Variants in NREP observed in about 807,000 individuals in gnomAD.
NREP encodes neuronal regeneration-related protein.
Under a neutral mutation model 8.6 loss-of-function variants are expected in NREP, and 5 were observed. The observed-to-expected ratio is 0.58, with a 90% CI of 0.30 to 1.22. NREP has a LOEUF of 1.22. Ranked by LOEUF, NREP falls within the 50% of genes most tolerant of loss-of-function variation. The probability of loss-of-function intolerance (pLI) is 0.07; values close to 1 mark genes in which losing one functional copy is unlikely to be tolerated. For synonymous variants in NREP, 27 were observed against 28.0 expected, an observed-to-expected ratio of 0.96 and a Z score of 0.11; for missense variants, 86 against 82.5, an observed-to-expected ratio of 1.04 and a Z score of -0.17.
intron 2 of NREP, among the ~76,000 whole-genome samples, chr5:111,783,410 T>C (rs1751538679): frequency 6.6e-6 from 1 of 152,228 alleles, no homozygotes; most frequent in Non-Finnish European, 1.5e-5. Flanking sequence ...GGCTCAAGTA[T>C]TCAATTCAAA....
chr5:111,880,027 G>C (rs1404900555), intron 2 of NREP, among the ~76,000 whole-genome samples: 1 of 152,286 alleles, frequency 6.6e-6, no homozygotes, highest in Non-Finnish European at 1.5e-5. Flanking sequence ...AACAGTGCTT[G>C]AAATTAATAT....
intron 2 of NREP, among the ~76,000 whole-genome samples, chr5:111,920,224 A>G (rs1403021005): frequency 6.6e-6 from 1 of 152,030 alleles, no homozygotes. Flanking sequence ...ACAACTTTGG[A>G]CCATCAGGAA....
intron 2 of NREP, among the ~76,000 whole-genome samples, chr5:111,834,272 A>G (rs1196303536): frequency 6.6e-6 from 1 of 152,346 alleles, no homozygotes; most frequent in South Asian, 2.1e-4. Flanking sequence ...AAAATTTCAC[A>G]TACTTCACAG....
intron 2 of NREP, among the ~76,000 whole-genome samples, chr5:111,934,145 T>G (rs190400991): frequency 1.3e-5 from 2 of 152,180 alleles, no homozygotes; most frequent in Admixed American, 6.5e-5. Flanking sequence ...TACCAGATGG[T>G]TGAGCTGCCA....
intron 2 of NREP, among the ~76,000 whole-genome samples, chr5:111,873,109 G>A (rs1009521378): frequency 1.1e-4 from 17 of 152,160 alleles, no homozygotes; most frequent in African/African-American, 4.1e-4. Flanking sequence ...TTGCTGTTGT[G>A]AAAATTAAAT....
intron 2 of NREP, among the ~76,000 whole-genome samples, chr5:111,890,826 C>T (rs1379480922): frequency 6.6e-6 from 1 of 152,190 alleles, no homozygotes; most frequent in Non-Finnish European, 1.5e-5. Context: ...ACCATTCTTC[C>T]CTGCTAGGCC....
intron 2 of NREP, among the ~76,000 whole-genome samples, chr5:111,804,787 G>A (rs1375011656): frequency 2.6e-5 from 4 of 152,054 alleles, no homozygotes; most frequent in African/African-American, 9.7e-5. Context: ...GGATCACGAG[G>A]TCAGGAGATA....
intron 2 of NREP, among the ~76,000 whole-genome samples, chr5:111,918,819 A>G (rs894315839): frequency 7.2e-5 from 11 of 152,236 alleles, no homozygotes; most frequent in African/African-American, 2.4e-4. Flanking sequence ...TTCGTGACTA[A>G]AACACCAAAA....
chr5:111,881,992 C>T (rs1381895662), intron 2 of NREP, among the ~76,000 whole-genome samples: 14 of 152,128 alleles, frequency 9.2e-5, no homozygotes, highest in African/African-American at 2.2e-4. Context: ...ATGACTTTGA[C>T]GAGTTGAGAG....
chr5:111,761,498 G>A (rs991477944), upstream of NREP, among the ~76,000 whole-genome samples: 1 of 152,154 alleles, frequency 6.6e-6, no homozygotes, highest in Non-Finnish European at 1.5e-5. Flanking sequence ...CATTTAGAAA[G>A]GAGTCTTTGT....
intron 2 of NREP, among the ~76,000 whole-genome samples, chr5:111,787,496 G>C (rs1024327062): frequency 5.9e-5 from 9 of 151,906 alleles, no homozygotes; most frequent in African/African-American, 1.9e-4. Flanking sequence ...ACTGGAGAAA[G>C]TTCAGTTATA....
chr5:111,957,496 A>G (rs927030348), intron 2 of NREP, among the ~76,000 whole-genome samples: 1 of 152,014 alleles, frequency 6.6e-6, no homozygotes, highest in Admixed American at 6.6e-5. Flanking sequence ...ATGAACTAGA[A>G]GGCATAGATA....
chr5:111,907,480 T>C (rs1308054777), intron 2 of NREP, among the ~76,000 whole-genome samples: 1 of 152,066 alleles, frequency 6.6e-6, no homozygotes, highest in African/African-American at 2.4e-5. Flanking sequence ...TTGCCAAAGA[T>C]CAATTTGCTC....
intron 2 of NREP, among the ~76,000 whole-genome samples, chr5:111,751,142 G>A (rs569391382): frequency 1.6e-4 from 25 of 152,258 alleles, no homozygotes; most frequent in African/African-American, 5.3e-4. Flanking sequence ...CTTCTACCAT[G>A]TACTTAATAC....
intron 2 of NREP, among the ~76,000 whole-genome samples, chr5:111,870,800 C>T (rs149757786): frequency 1.2e-3 from 177 of 152,230 alleles, no homozygotes; most frequent in African/African-American, 4.1e-3. Context: ...AAGCCAAGGA[C>T]TGTCAAGGAT....
intron 2 of NREP, among the ~76,000 whole-genome samples, chr5:111,798,353 G>T (rs1447862866): frequency 6.6e-6 from 1 of 151,794 alleles, no homozygotes; most frequent in African/African-American, 2.4e-5. Flanking sequence ...GGAAAATTTG[G>T]GCTTTTTTAA....
intron 2 of NREP, among the ~76,000 whole-genome samples, chr5:111,781,231 G>C (rs538077786): frequency 1.7e-4 from 26 of 152,244 alleles, no homozygotes; most frequent in African/African-American, 6.3e-4. Flanking sequence ...TGGGGTATAA[G>C]TGAGGCTGCA....
At chr5:111,875,970 G>A (rs1350357194) in intron 2 of NREP, among the ~76,000 whole-genome samples, 1 of 152,332 alleles carries the variant, frequency 6.6e-6, no homozygotes, top group African/African-American at 2.4e-5. Context: ...TGGGGAGGCG[G>A]TGTCTGATCT....
intron 2 of NREP, among the ~76,000 whole-genome samples, chr5:111,907,351 C>T (rs1494590): frequency 0.39 from 59,253 of 151,990 alleles, 14,041 homozygotes; most frequent in Non-Finnish European, 0.54. Flanking sequence ...ATTTCGTGTT[C>T]GTATCTGTGA....
Sources: gnomAD v4.1 joint callset for allele counts (sites outside exome capture counted in the v4.1 genomes callset) on GRCh38, gnomAD v4.1.1 for gene constraint, MANE v1.5 for transcripts, NCBI Gene and HGNC (gene_info 2026-07-23, HGNC 2026-07-21) for gene names.